The following ANKS1B variants were observed in gnomAD, a reference collection of about 807,000 sequenced individuals.
ANKS1B encodes the protein ankyrin repeat and sterile alpha motif domain containing 1B.
Under a neutral mutation model 148.3 loss-of-function variants are expected in ANKS1B, and 36 were observed. The observed-to-expected ratio is 0.24, with a 90% CI of 0.19 to 0.32. The LOEUF is 0.32. Ranked by LOEUF, ANKS1B falls within the 10% of genes least tolerant of loss-of-function variation. The pLI, the probability that ANKS1B is intolerant of heterozygous loss-of-function variation, is 1.00. For missense variants in ANKS1B, 1,157 were observed against 1,542.6 expected (o/e 0.75, Z 4.19); for synonymous variants, 542 against 560.8 (o/e 0.97, Z 0.47).
At chr12:99,790,212 C>T (rs138186772) in intron 4 of ANKS1B, among the ~76,000 whole-genome samples, 1,869 of 152,232 alleles carry the variant, frequency 0.012, 42 homozygotes, top group African/African-American at 0.043. Context: ...AGTGGCATGA[C>T]ATATTTAAAG....
intron 8 of ANKS1B, among the ~76,000 whole-genome samples, chr12:99,747,480 T>G (rs1282435449): frequency 6.6e-6 from 1 of 152,120 alleles, no homozygotes; most frequent in Non-Finnish European, 1.5e-5. Flanking sequence ...CTACACAAAC[T>G]GTCTCTTCCT....
At chr12:99,780,077 T>C (rs926300767) in intron 5 of ANKS1B, 105 bp from the exon 6 acceptor site, 4 of 799,618 alleles carry the variant, frequency 5.0e-6, no homozygotes, top group Non-Finnish European at 4.1e-6. Context: ...AGACCAAGCA[T>C]TGAAAGTGAT....
intron 1 of ANKS1B, among the ~76,000 whole-genome samples, chr12:99,961,955 G>T (rs1056001204): frequency 1.3e-5 from 2 of 152,216 alleles, no homozygotes; most frequent in African/African-American, 4.8e-5. Context: ...TACGTTATTA[G>T]AGGTATTGAT....
intron 15 of ANKS1B, among the ~76,000 whole-genome samples, chr12:99,143,885 A>G (rs2071954183): frequency 6.6e-6 from 1 of 152,048 alleles, no homozygotes; most frequent in South Asian, 2.1e-4. Flanking sequence ...GATCTTTCTC[A>G]GCTCACTCAG....
intron 17 of ANKS1B, among the ~76,000 whole-genome samples, chr12:98,980,302 G>C (rs534908356): frequency 6.6e-6 from 1 of 152,170 alleles, no homozygotes; most frequent in South Asian, 2.1e-4. Context: ...CCAGGTACCC[G>C]CCATTCTCCT....
chr12:99,328,851 C>T (rs1045323674), intron 12 of ANKS1B, among the ~76,000 whole-genome samples: 1 of 151,764 alleles, frequency 6.6e-6, no homozygotes, highest in East Asian at 1.9e-4. Flanking sequence ...TACATCAAAA[C>T]TGTGTTCCAT....
At chr12:99,699,967 T>C (rs1420505901) in intron 8 of ANKS1B, among the ~76,000 whole-genome samples, 1 of 152,170 alleles carries the variant, frequency 6.6e-6, no homozygotes, top group East Asian at 1.9e-4. Flanking sequence ...GGTTTTCCTT[T>C]CTCAGTCTAT....
intron 20 of ANKS1B, among the ~76,000 whole-genome samples, chr12:98,806,981 A>G (rs1594291278): frequency 1.3e-5 from 2 of 152,308 alleles, no homozygotes; most frequent in South Asian, 4.1e-4. Flanking sequence ...GCACTTCACA[A>G]AAATACCCGT....
chr12:98,942,478 G>A (rs78320328), intron 17 of ANKS1B, among the ~76,000 whole-genome samples: 57 of 152,226 alleles, frequency 3.7e-4, no homozygotes, highest in African/African-American at 1.2e-3. Flanking sequence ...GGCTTTCTCC[G>A]GAAATCCCTC....
At chr12:99,569,427 C>A (rs555715436) in intron 9 of ANKS1B, among the ~76,000 whole-genome samples, 1 of 152,254 alleles carries the variant, frequency 6.6e-6, no homozygotes, top group East Asian at 1.9e-4. Context: ...ATAATAATAG[C>A]TGTCTTATAG....
intron 17 of ANKS1B, chr12:98,954,443 A>C (rs568843833): frequency 5.3e-5 from 8 of 152,358 alleles, no homozygotes; most frequent in African/African-American, 1.7e-4. Context: ...GATACTGTTA[A>C]GAAGTGAAGC....
intron 12 of ANKS1B, among the ~76,000 whole-genome samples, chr12:99,326,187 G>T (rs1288332551): frequency 6.6e-6 from 1 of 152,038 alleles, no homozygotes; most frequent in Non-Finnish European, 1.5e-5. Context: ...ATGAGACTGG[G>T]GTGGGGACAC....
intron 8 of ANKS1B, among the ~76,000 whole-genome samples, chr12:99,734,813 C>G (rs1485979716): frequency 6.6e-6 from 1 of 152,186 alleles, no homozygotes; most frequent in African/African-American, 2.4e-5. Flanking sequence ...AGGACACTGA[C>G]AGTTTCCAAA....
intron 9 of ANKS1B, among the ~76,000 whole-genome samples, chr12:99,569,906 C>T (rs79370646): frequency 0.014 from 2,053 of 151,548 alleles, 54 homozygotes; most frequent in African/African-American, 0.048. Flanking sequence ...ATAAGCCCTC[C>T]GATATCCTAG....
chr12:99,771,371 TA>T (rs1402041448), intron 8 of ANKS1B, among the ~76,000 whole-genome samples: 1 of 152,028 alleles, frequency 6.6e-6, no homozygotes, highest in Non-Finnish European at 1.5e-5. Context: ...AACCCTGGTC[TA>T]AAAAATTAGG....
At chr12:99,083,774 A>G (rs1447250604) in intron 16 of ANKS1B, 1 of 152,044 alleles carries the variant, frequency 6.6e-6, no homozygotes, top group Non-Finnish European at 1.5e-5. Flanking sequence ...TGCCTGAACC[A>G]AATTTGTTTT....
chr12:99,152,116 G>C (rs898370005), intron 15 of ANKS1B, among the ~76,000 whole-genome samples: 4 of 152,092 alleles, frequency 2.6e-5, no homozygotes, highest in Non-Finnish European at 5.9e-5. Flanking sequence ...AACTAAGTTT[G>C]CAATTACATA....
At chr12:99,497,490 CTG>C (rs1487697755) in intron 10 of ANKS1B, among the ~76,000 whole-genome samples, 4 of 152,100 alleles carry the variant, frequency 2.6e-5, no homozygotes, top group African/African-American at 9.7e-5. Context: ...CTTCTGTGGG[CTG>C]TGAGGGAAGG....
intron 1 of ANKS1B, among the ~76,000 whole-genome samples, chr12:99,894,285 AAGGAAGGG>A (rs1452165798): frequency 1.4e-4 from 8 of 56,860 alleles, no homozygotes; most frequent in South Asian, 7.1e-4. Flanking sequence ...GGAAGGAAGG[AAGGAAGGG>A]AGGGAGGGAG....
Sources: gnomAD v4.1 joint callset for allele counts (sites outside exome capture counted in the v4.1 genomes callset) on GRCh38, gnomAD v4.1.1 for gene constraint, MANE v1.5 for transcripts, NCBI Gene and HGNC (gene_info 2026-07-23, HGNC 2026-07-21) for gene names.